TACR1: variants seen among roughly 807,000 people sequenced by gnomAD.
TACR1 encodes the protein tachykinin receptor 1, also known as substance-P receptor.
TACR1 carries 25 observed loss-of-function variants against 35.8 expected under a neutral mutation model. The ratio of observed to expected loss-of-function variants is 0.70; its 90% CI spans 0.51 to 0.98. TACR1 has a LOEUF of 0.98. Ranked by LOEUF, TACR1 falls within the 50% of genes least tolerant of loss-of-function variation. The pLI, the probability that TACR1 is intolerant of heterozygous loss-of-function variation, is 0.00. For synonymous variants in TACR1, 195 were observed against 206.7 expected (o/e 0.94, Z 0.48); for missense variants, 478 against 522.9 (o/e 0.91, Z 0.84).
At chr2:75,117,226 C>G (rs892866307) in intron 2 of TACR1, among the ~76,000 whole-genome samples, 1 of 151,570 alleles carries the variant, frequency 6.6e-6, no homozygotes, top group Non-Finnish European at 1.5e-5. Context: ...TTTAATAGTG[C>G]TTAATTTAAT....
chr2:75,080,088 G>A (rs1673054354), intron 2 of TACR1, among the ~76,000 whole-genome samples: 3 of 152,142 alleles, frequency 2.0e-5, no homozygotes, highest in Admixed American at 6.5e-5. Flanking sequence ...CTTATACTTC[G>A]AGATAGTAAG....
At chr2:75,119,161 C>T (rs1673918075) in intron 2 of TACR1, among the ~76,000 whole-genome samples, 1 of 152,058 alleles carries the variant, frequency 6.6e-6, no homozygotes, top group African/African-American at 2.4e-5. Flanking sequence ...GTATGGTGTC[C>T]CATTTTAACT....
intron 1 of TACR1, among the ~76,000 whole-genome samples, chr2:75,191,091 G>A (rs1413572114): frequency 1.3e-5 from 2 of 152,174 alleles, no homozygotes; most frequent in Admixed American, 1.3e-4. Context: ...CATCCAGAGA[G>A]CTTCATATTT....
rs535868755 is a variant in TACR1, at chr2:75,163,245, T to G, written c.389+35301A>C. Among the ~76,000 whole-genome samples the G allele has an allele frequency of 7.9e-5, 12 of 152,340 alleles. No individual in the cohort carries two copies. In the South Asian group the frequency reaches 1.7e-3, roughly 21 times the overall value. The stretch of plus-strand genomic sequence containing the variant: ...GCAAGCACCAAAGTGCTGTGCTAAC[T>G]AGAGAAGTCAGGGTTTGTCTATGGC... On this transcript the variant is annotated intron_variant, in intron 1 of 4. Coordinates refer to ENST00000305249, the MANE Select transcript of TACR1 (RefSeq NM_001058.4).
chr2:75,097,114 A>T (rs1673438109), intron 2 of TACR1, among the ~76,000 whole-genome samples: 1 of 152,200 alleles, frequency 6.6e-6, no homozygotes, highest in Admixed American at 6.5e-5. Context: ...AGACTAGCCC[A>T]AGTTCCCCAT....
intron 1 of TACR1, among the ~76,000 whole-genome samples, chr2:75,147,291 G>A (rs72920626): frequency 0.018 from 2,672 of 152,268 alleles, 83 homozygotes; most frequent in African/African-American, 0.061. Context: ...TGGCCATAGG[G>A]CTGATATTTC....
intron 1 of TACR1, among the ~76,000 whole-genome samples, chr2:75,158,616 T>G (rs1674923098): frequency 6.6e-6 from 1 of 152,146 alleles, no homozygotes; most frequent in Non-Finnish European, 1.5e-5. Flanking sequence ...TCAATTAATT[T>G]TTGTTGAAAT....
chr2:75,180,482 T>G (rs1675535987), intron 1 of TACR1, among the ~76,000 whole-genome samples: 1 of 152,210 alleles, frequency 6.6e-6, no homozygotes, highest in Non-Finnish European at 1.5e-5. Flanking sequence ...GCACTTGCTT[T>G]GGCCAGTGGG....
At chr2:75,148,141 C>T (rs902135387) in intron 1 of TACR1, among the ~76,000 whole-genome samples, 1 of 152,066 alleles carries the variant, frequency 6.6e-6, no homozygotes, top group Non-Finnish European at 1.5e-5. Flanking sequence ...TGGGTTGGTT[C>T]CATGTCTTTG....
intron 2 of TACR1, among the ~76,000 whole-genome samples, chr2:75,111,505 A>T (rs139788317): frequency 2.6e-5 from 4 of 152,146 alleles, no homozygotes; most frequent in African/African-American, 9.6e-5. Context: ...ACTTACTAGG[A>T]TGGAGACTAG....
chr2:75,088,738 G>T (rs941169821), intron 2 of TACR1, among the ~76,000 whole-genome samples: 1 of 152,050 alleles, frequency 6.6e-6, no homozygotes, highest in African/African-American at 2.4e-5. Flanking sequence ...GGTTTAGGCG[G>T]ATCGGTGACA....
chr2:75,164,232 C>A (rs1417782633), intron 1 of TACR1, among the ~76,000 whole-genome samples: 1 of 151,304 alleles, frequency 6.6e-6, no homozygotes, highest in East Asian at 1.9e-4. Context: ...GAGGCTGAGG[C>A]AGGAGAATGG....
intron 1 of TACR1, among the ~76,000 whole-genome samples, chr2:75,142,080 T>G (rs1415038683): frequency 2.6e-5 from 4 of 152,218 alleles, no homozygotes; most frequent in Admixed American, 2.0e-4. Context: ...GACACAGAGT[T>G]CAGGGTAGTT....
At chr2:75,053,803 T>C in intron 2 of TACR1, 48 bp from the exon 3 acceptor site, 1 of 1,611,946 alleles carries the variant, frequency 6.2e-7, no homozygotes, top group Middle Eastern at 1.6e-4. Context: ...CTTATTATTT[T>C]AGGTTTTTAA....
chr2:75,153,966 C>T (rs1674736502), intron 1 of TACR1, among the ~76,000 whole-genome samples: 1 of 152,128 alleles, frequency 6.6e-6, no homozygotes, highest in Non-Finnish European at 1.5e-5. Flanking sequence ...ACTGAGGTCT[C>T]TCCATGAGGC....
intron 1 of TACR1, among the ~76,000 whole-genome samples, chr2:75,166,359 T>C (rs1365984184): frequency 6.6e-6 from 1 of 152,228 alleles, no homozygotes; most frequent in Non-Finnish European, 1.5e-5. Context: ...AGCATTCCCA[T>C]TATATTTTGA....
rs1264139655 is a variant in TACR1, at chr2:75,154,406, G to GCGCGCGCGCGCGCGCGCGCGCACACA, written c.390-33639_390-33638insTGTGTGCGCGCGCGCGCGCGCGCGCG. ...CAGGGAGATAATCAGCCAAGAGCGC[G>GCGCGCGCGCGCGCGCGCGCGCACACA]CACGCACACACACACACACACACAC... On this transcript the variant is annotated intron_variant, in intron 1 of 4. Transcript: ENST00000305249. The GCGCGCGCGCGCGCGCGCGCGCACACA allele has an allele frequency of 2.0e-4, 16 of 78,504 alleles. 3 individuals are homozygous for GCGCGCGCGCGCGCGCGCGCGCACACA. The highest frequency in any genetic ancestry group is 3.3e-4 in the Non-Finnish European group (13 of 39,450). The allele number at this position is 78,504 out of a possible 1,614,324, so 4.9% of individuals were successfully genotyped here. A position where few individuals can be genotyped will look rare whatever the true frequency, so the allele number is the denominator to read the frequency against.
chr2:75,075,140 G>A (rs929583077), intron 2 of TACR1, among the ~76,000 whole-genome samples: 3 of 152,204 alleles, frequency 2.0e-5, no homozygotes, highest in African/African-American at 7.2e-5. Flanking sequence ...CTGAGAAGCG[G>A]CATTCTACAC....
At chr2:75,195,979 A>G (rs1675960689) in intron 1 of TACR1, among the ~76,000 whole-genome samples, 1 of 152,194 alleles carries the variant, frequency 6.6e-6, no homozygotes, top group Non-Finnish European at 1.5e-5. Context: ...TTCAAAGGTT[A>G]GCAGGTGTTG....
Sources: allele counts gnomAD v4.1 joint callset (sites outside exome capture counted in the v4.1 genomes callset), GRCh38; gene constraint gnomAD v4.1.1; transcripts MANE v1.5; gene names NCBI Gene and HGNC (gene_info 2026-07-23, HGNC 2026-07-21).